Variants in NAV3 observed in about 807,000 individuals in gnomAD.
NAV3 encodes the protein pore membrane and/or filament interacting like protein 1.
A neutral mutation model predicts 244.7 loss-of-function variants in NAV3; 87 were observed. The ratio of observed to expected loss-of-function variants is 0.36; its 90% CI spans 0.30 to 0.42. NAV3 has a LOEUF of 0.42. NAV3 is among the 20% of genes least tolerant of loss of function. The pLI is 1.00. For missense variants in NAV3, 2,663 were observed against 2,893.3 expected (o/e 0.92, Z 1.83); for synonymous variants, 1,126 against 1,042.2 (o/e 1.08, Z -1.55).
intron 8 of NAV3, among the ~76,000 whole-genome samples, chr12:78,010,599 C>A (rs1453416630): frequency 6.6e-6 from 1 of 151,972 alleles, no homozygotes; most frequent in African/African-American, 2.4e-5. Flanking sequence ...TCAGTTCTAT[C>A]TATGTGACAG....
At chr12:77,610,237 C>T (rs1212425231) in intron 2 of NAV3, among the ~76,000 whole-genome samples, 1 of 152,006 alleles carries the variant, frequency 6.6e-6, no homozygotes, top group Admixed American at 6.6e-5. Context: ...ATGCTCTTTT[C>T]TTAGTCACTC....
chr12:77,586,177 A>T (rs971897706), intron 2 of NAV3, among the ~76,000 whole-genome samples: 22 of 128,654 alleles, frequency 1.7e-4, no homozygotes, highest in Non-Finnish European at 3.7e-4. Context: ...AAGAAAAAAA[A>T]AATTGCTGTA....
chr12:78,041,630 C>T (rs1249052845), intron 9 of NAV3, among the ~76,000 whole-genome samples: 1 of 152,146 alleles, frequency 6.6e-6, no homozygotes, highest in Non-Finnish European at 1.5e-5. Flanking sequence ...GGAGGCCTTT[C>T]CAATGTTGGA....
Position 77,837,618 on chromosome 12 carries a change from A to G in NAV3, c.243+5914A>G, listed in dbSNP as rs116428904. On this transcript the variant is annotated intron_variant, in intron 1 of 39. Coordinates refer to ENST00000397909, the MANE Select transcript of NAV3 (RefSeq NM_001024383.2). The stretch of plus-strand genomic sequence containing the variant: ...ATGTGGTAGAATAGAGATTCAGACT[A>G]AGGCTGTATGGTTACAGAAGACATT... Among the ~76,000 whole-genome samples, 513 of 152,292 alleles carry G rather than the reference A, an allele frequency of 3.4e-3. 4 individuals carry two copies. Among genetic ancestry groups the G allele is most frequent in the African/African-American group, 0.012 (493 of 41,556 alleles).
chr12:77,915,922 A>C (rs1431771878), intron 1 of NAV3, among the ~76,000 whole-genome samples: 1 of 152,064 alleles, frequency 6.6e-6, no homozygotes, highest in Non-Finnish European at 1.5e-5. Context: ...TTACCTTCCA[A>C]TGAGATGAGT....
intron 30 of NAV3, among the ~76,000 whole-genome samples, chr12:78,184,595 T>C (rs1958635565): frequency 6.6e-6 from 1 of 151,864 alleles, no homozygotes; most frequent in Non-Finnish European, 1.5e-5. Context: ...TATTGCTTAC[T>C]TTCAAAATTA....
chr12:77,868,348 CTTATT>C (rs1393801541), intron 1 of NAV3, among the ~76,000 whole-genome samples: 3 of 151,936 alleles, frequency 2.0e-5, no homozygotes, highest in African/African-American at 7.3e-5. Context: ...TCTATTTTAT[CTTATT>C]TTATTTTACT....
intron 2 of NAV3, among the ~76,000 whole-genome samples, chr12:77,813,222 C>T (rs950052067): frequency 3.3e-5 from 5 of 152,078 alleles, no homozygotes; most frequent in Non-Finnish European, 7.4e-5. Context: ...GTAGGGGACA[C>T]AATGTGATTT....
chr12:77,619,399 C>T (rs1871274029), intron 2 of NAV3, among the ~76,000 whole-genome samples: 1 of 152,174 alleles, frequency 6.6e-6, no homozygotes, highest in Admixed American at 6.5e-5. Flanking sequence ...TTTCTACTGT[C>T]CCTTTGTTCT....
chr12:77,706,241 T>G (rs1232226042), intron 2 of NAV3, among the ~76,000 whole-genome samples: 1 of 151,468 alleles, frequency 6.6e-6, no homozygotes, highest in African/African-American at 2.4e-5. Flanking sequence ...GAAACTAAAT[T>G]AACATTAATA....
At chr12:78,007,672 C>T (rs1874480035) in intron 8 of NAV3, among the ~76,000 whole-genome samples, 1 of 152,116 alleles carries the variant, frequency 6.6e-6, no homozygotes, top group Non-Finnish European at 1.5e-5. Context: ...CAATTGAGAC[C>T]TTCAAAAATT....
chr12:77,875,806 T>C (rs1048003070), intron 1 of NAV3, among the ~76,000 whole-genome samples: 1 of 152,122 alleles, frequency 6.6e-6, no homozygotes, highest in Non-Finnish European at 1.5e-5. Context: ...CTTGTTTAAA[T>C]ATGTAATTAA....
intron 8 of NAV3, among the ~76,000 whole-genome samples, chr12:78,019,378 C>G (rs1472949123): frequency 6.6e-6 from 1 of 152,096 alleles, no homozygotes; most frequent in Non-Finnish European, 1.5e-5. Context: ...TATTCTGATA[C>G]AAGACTGGAC....
intron 2 of NAV3, among the ~76,000 whole-genome samples, chr12:77,716,746 C>T (rs888143017): frequency 6.6e-5 from 10 of 151,966 alleles, no homozygotes; most frequent in African/African-American, 1.7e-4. Context: ...CTAATTTCAG[C>T]CTAAATCATA....
At chr12:77,849,970 T>C (rs567828672) in intron 1 of NAV3, among the ~76,000 whole-genome samples, 58 of 152,326 alleles carry the variant, frequency 3.8e-4, no homozygotes, top group Admixed American at 9.8e-4. Context: ...TGAAGTGGGT[T>C]ATCTCAAAGC....
chr12:77,852,290 T>C (rs1017676371), intron 1 of NAV3, among the ~76,000 whole-genome samples: 1 of 152,208 alleles, frequency 6.6e-6, no homozygotes, highest in Non-Finnish European at 1.5e-5. Context: ...ATCCCAACAC[T>C]TTGGGAGGCT....
At chr12:77,779,632 A>G (rs527562013) in intron 2 of NAV3, among the ~76,000 whole-genome samples, 36 of 152,350 alleles carry the variant, frequency 2.4e-4, no homozygotes, top group African/African-American at 7.5e-4. Flanking sequence ...TAAGTTAAAC[A>G]CCAAAAAATG....
At chr12:77,652,509 C>A (rs1031984651) in intron 2 of NAV3, among the ~76,000 whole-genome samples, 4 of 152,118 alleles carry the variant, frequency 2.6e-5, no homozygotes, top group African/African-American at 9.7e-5. Context: ...ATGTAAACAA[C>A]TGACAGGAAC....
chr12:77,680,938 C>T (rs1874424786), intron 2 of NAV3, among the ~76,000 whole-genome samples: 1 of 151,992 alleles, frequency 6.6e-6, no homozygotes, highest in Admixed American at 6.6e-5. Context: ...CCCTTTTATT[C>T]CTCAATAAAG....
Sources: allele counts gnomAD v4.1 joint callset (sites outside exome capture counted in the v4.1 genomes callset), GRCh38; gene constraint gnomAD v4.1.1; transcripts MANE v1.5; gene names NCBI Gene and HGNC (gene_info 2026-07-23, HGNC 2026-07-21).